GMPS: variants seen among roughly 807,000 people sequenced by gnomAD.
GMPS encodes guanosine monophosphate synthase.
In GMPS, 15 loss-of-function variants were observed where a neutral mutation model predicts 77.9. That is an observed-to-expected ratio of 0.19 (90% CI 0.13 to 0.30). The LOEUF (loss-of-function observed/expected upper bound fraction) is 0.30. Ranked by LOEUF, GMPS falls within the 10% of genes least tolerant of loss-of-function variation. The pLI, the probability that GMPS is intolerant of heterozygous loss-of-function variation, is 1.00. For missense variants in GMPS, 590 were observed against 838.8 expected (o/e 0.70, Z 3.66); for synonymous variants, 224 against 275.9 (o/e 0.81, Z 1.86).
At chr3:155,873,422 G>A (rs1278833660) in intron 1 of GMPS, among the ~76,000 whole-genome samples, 3 of 151,340 alleles carry the variant, frequency 2.0e-5, no homozygotes, top group South Asian at 2.1e-4. Context: ...GGATCACCCC[G>A]CCCTGCTAAT....
intron 8 of GMPS, among the ~76,000 whole-genome samples, chr3:155,915,242 T>TG (rs2108111161): frequency 1.3e-5 from 2 of 151,290 alleles, no homozygotes; most frequent in South Asian, 2.1e-4. Flanking sequence ...GTTTTTGTTT[T>TG]TTTTTTTTTT....
At chr3:155,908,388 T>G (rs1754949056) in intron 5 of GMPS, among the ~76,000 whole-genome samples, 3 of 152,260 alleles carry the variant, frequency 2.0e-5, no homozygotes, top group Admixed American at 6.5e-5. Context: ...CTCACTTTGC[T>G]GAGAGTTTTT....
chr3:155,890,812 A>G (rs1372008179), intron 1 of GMPS, among the ~76,000 whole-genome samples: 1 of 152,230 alleles, frequency 6.6e-6, no homozygotes, highest in Non-Finnish European at 1.5e-5. Flanking sequence ...GCCTTGCCAC[A>G]GTCAGCATTT....
At chr3:155,934,808 G>A in intron 13 of GMPS, 108 bp from the exon 14 acceptor site, 1 of 715,686 alleles carries the variant, frequency 1.4e-6, no homozygotes, top group East Asian at 2.6e-5. Flanking sequence ...AAACTAAGTG[G>A]GAAATGGAAA....
intron 12 of GMPS, among the ~76,000 whole-genome samples, chr3:155,930,715 CGTT>C (rs1306262690): frequency 6.6e-6 from 1 of 152,170 alleles, no homozygotes; most frequent in Non-Finnish European, 1.5e-5. Context: ...TACTTAAACA[CGTT>C]GATAAGTAAA....
intron 1 of GMPS, among the ~76,000 whole-genome samples, chr3:155,874,910 T>C (rs1351466630): frequency 2.1e-5 from 3 of 140,060 alleles, no homozygotes; most frequent in East Asian, 2.0e-4. Flanking sequence ...TCTTTTTTTT[T>C]TTTTTTTTTT....
intron 1 of GMPS, among the ~76,000 whole-genome samples, chr3:155,886,808 C>T (rs989193042): frequency 6.6e-6 from 1 of 151,978 alleles, no homozygotes; most frequent in South Asian, 2.1e-4. Flanking sequence ...GCCCGGCCTC[C>T]TGATGACTTA....
intron 13 of GMPS, among the ~76,000 whole-genome samples, chr3:155,933,088 A>G (rs1409220657): frequency 6.6e-6 from 1 of 152,150 alleles, no homozygotes; most frequent in Admixed American, 6.6e-5. Context: ...GCTACTCGGG[A>G]GGCTGAGGCA....
chr3:155,901,044 C>T lies in GMPS; in HGVS notation c.325-2819C>T, dbSNP rs868082693. On this transcript the variant is annotated intron_variant, in intron 3 of 15. Transcript: ENST00000496455. ...TTGCTTTAGAAGAAAAATGTCTATA[C>T]TGCTCCCTTTATATCTCTTAACTGA... is the stretch of plus-strand genomic sequence containing the variant. Among the ~76,000 whole-genome samples the T allele has an allele frequency of 1.9e-4, 29 of 152,246 alleles. No individual in the cohort carries two copies. In the Middle Eastern group the frequency reaches 0.01, roughly 54 times the overall value.
chr3:155,940,111 A>G lies in GMPS; in HGVS notation c.*2419A>G, dbSNP rs1006468398. The G allele has an allele frequency of 4.8e-6, 1 of 206,538 alleles. No homozygotes were observed. The highest frequency in any genetic ancestry group is 9.9e-6 in the Non-Finnish European group (1 of 101,120). The allele number at this position is 206,538 out of a possible 1,614,324, so 12.8% of individuals were successfully genotyped here. A position where few individuals can be genotyped will look rare whatever the true frequency, so the allele number is the denominator to read the frequency against. On this transcript the variant is annotated 3_prime_UTR_variant, in exon 16 of 16. Coordinates refer to ENST00000496455, the MANE Select transcript of GMPS (RefSeq NM_003875.3). ...GTTATTCTGGGCATATCATGACTTT[A>G]TTCCCGTTGCTTACCATCTACCTGG...
Position 155,903,932 on chromosome 3 carries a change from A to G in GMPS, c.394A>G (p.Ser132Gly), listed in dbSNP as rs77673033. The G allele has an allele frequency of 4.0e-6, 6 of 1,497,364 alleles. No individual in the cohort carries two copies. In the East Asian group the frequency reaches 1.2e-4, roughly 29 times the overall value. The allele number at this position is 1,497,364 out of a possible 1,614,324, so 92.8% of individuals were successfully genotyped here. A position where few individuals can be genotyped will look rare whatever the true frequency, so the allele number is the denominator to read the frequency against. The change falls in exon 4 of 16, where the codon AGT (serine) becomes GGT (glycine). Residue 132 changes from serine (S) to glycine (G), a missense_variant. Around this residue, in one of 6 missense-constraint regions of GMPS, gnomAD observed 136 missense variants for 225.6 expected, o/e 0.60. Transcript: ENST00000496455. The part of the protein sequence containing the change: ...SVREDGVFNI[S>G]VDNTCSLFRG... The stretch of plus-strand genomic sequence containing the variant: ...CAGAGAAGATGGAGTTTTCAACATT[A>G]GTGTGGATAATACATGTTCATTATT...
chr3:155,918,432 A>T (rs928322200), intron 9 of GMPS, among the ~76,000 whole-genome samples: 8 of 152,356 alleles, frequency 5.3e-5, no homozygotes, highest in African/African-American at 1.9e-4. Flanking sequence ...CGCCTGAGCG[A>T]CAGAGCGAGA....
intron 7 of GMPS, among the ~76,000 whole-genome samples, chr3:155,913,143 C>G (rs571178004): frequency 6.6e-6 from 1 of 152,260 alleles, no homozygotes; most frequent in African/African-American, 2.4e-5. Flanking sequence ...GTTTAACTGC[C>G]AGAATGCCAA....
At chr3:155,915,245 T>TG (rs1487971856) in intron 8 of GMPS, among the ~76,000 whole-genome samples, 1 of 151,548 alleles carries the variant, frequency 6.6e-6, no homozygotes, top group Non-Finnish European at 1.5e-5. Context: ...TTTGTTTTTT[T>TG]TTTTTTTTGG....
chr3:155,936,666 T>C (rs561895980), intron 15 of GMPS, among the ~76,000 whole-genome samples, 156 bp downstream of exon 15: 2 of 152,138 alleles, frequency 1.3e-5, no homozygotes, highest in Non-Finnish European at 2.9e-5. Flanking sequence ...ATTTGATTAA[T>C]ACACTGGGGC....
In GMPS at chr3:155,914,460, C is replaced by G. The variant is rs780794560; in HGVS notation, c.928C>G (p.Leu310Val). 6.3e-7 allele frequency: 1 copy of G among 1,596,780 alleles called. No homozygotes were observed. Among genetic ancestry groups the G allele is most frequent in the African/African-American group, 1.4e-5 (1 of 73,870 alleles). ...TTCTTTCTACAATGGAACAACAACC[C>G]TACCAATATCAGATGAAGATAGAAC... is the stretch of plus-strand genomic sequence containing the variant. ...AHSFYNGTTT[L>V]PISDEDRTPR... Residue 310 changes from leucine to valine, a missense_variant, in exon 8 of 16, where the codon CTA becomes GTA. By Grantham distance (32) the Leu-to-Val change is conservative. This residue lies in a region of GMPS where 181 missense variants were observed against 186.8 expected (regional missense o/e 0.97). Transcript: ENST00000496455.
At chr3:155,879,134 C>G (rs1754142750) in intron 1 of GMPS, among the ~76,000 whole-genome samples, 1 of 152,216 alleles carries the variant, frequency 6.6e-6, no homozygotes, top group Middle Eastern at 3.4e-3. Context: ...AAATGCCAGT[C>G]TCTCCTGGAA....
intron 1 of GMPS, 57 bp downstream of exon 1, chr3:155,870,954 G>C: frequency 1.4e-6 from 2 of 1,392,924 alleles, no homozygotes; most frequent in South Asian, 3.1e-5. Context: ...CTCCCGGACC[G>C]GGGAGCCACC....
chr3:155,938,392 A>G lies in GMPS; in HGVS notation c.*700A>G, dbSNP rs1245892535. 1.9e-5 allele frequency: 4 copies of G among 214,782 alleles called. No individual in the cohort carries two copies. The highest frequency in any genetic ancestry group is 3.8e-5 in the Non-Finnish European group (4 of 106,316). 13.3% of individuals were successfully genotyped at this position (214,782 alleles called of 1,614,324 possible). A position where few individuals can be genotyped will look rare whatever the true frequency, so the allele number is the denominator to read the frequency against. On this transcript the variant is annotated 3_prime_UTR_variant, in exon 16 of 16. Coordinates refer to ENST00000496455, the MANE Select transcript of GMPS (RefSeq NM_003875.3). ...TTCCACATAGATGCCATGTTATTCA[A>G]TGTCAGCTTGTTTATTAGTAAGGAG...
Sources: gnomAD v4.1 joint callset for allele counts (sites outside exome capture counted in the v4.1 genomes callset) on GRCh38, gnomAD v4.1.1 for gene constraint, gnomAD v4.1.1 regional missense constraint, MANE v1.5 for transcripts, NCBI Gene and HGNC (gene_info 2026-07-23, HGNC 2026-07-21) for gene names.